Variants in PHACTR3 observed in about 807,000 individuals in gnomAD.
PHACTR3 encodes the protein protein phosphatase 1, regulatory subunit 123.
In PHACTR3, 16 loss-of-function variants were observed where a neutral mutation model predicts 66.8. That is an observed-to-expected ratio of 0.24 (90% CI 0.16 to 0.36). The LOEUF is 0.36. PHACTR3 is among the 10% of genes least tolerant of loss of function. The probability of loss-of-function intolerance (pLI) is 1.00; values close to 1 mark genes in which losing one functional copy is unlikely to be tolerated. For missense variants in PHACTR3, 647 were observed against 719.9 expected (o/e 0.90, Z 1.16); for synonymous variants, 323 against 292.1 (o/e 1.11, Z -1.08).
chr20:59,801,034 G>A (rs2041397582), intron 7 of PHACTR3, among the ~76,000 whole-genome samples: 1 of 152,180 alleles, frequency 6.6e-6, no homozygotes, highest in Admixed American at 6.5e-5. Context: ...TCATTTCAGA[G>A]GATTCTTTCC....
At chr20:59,799,606 T>C (rs1215567500) in intron 7 of PHACTR3, among the ~76,000 whole-genome samples, 4 of 152,170 alleles carry the variant, frequency 2.6e-5, no homozygotes, top group Non-Finnish European at 5.9e-5. Context: ...TCAGCTCTGT[T>C]TGATTAGTGT....
intron 7 of PHACTR3, among the ~76,000 whole-genome samples, chr20:59,782,139 G>A (rs1402878191): frequency 6.6e-6 from 1 of 152,198 alleles, no homozygotes; most frequent in East Asian, 1.9e-4. Flanking sequence ...GCTGGGTCGG[G>A]AGTTGAAAGG....
chr20:59,604,005 C>G (rs929190350), upstream of PHACTR3: 1 of 152,378 alleles, frequency 6.6e-6, no homozygotes, highest in South Asian at 2.1e-4. Flanking sequence ...TTCCTAAGGG[C>G]GTCTGAGGAA....
intron 1 of PHACTR3, chr20:59,628,019 G>GC (rs2034520778): frequency 6.6e-6 from 1 of 151,920 alleles, no homozygotes; most frequent in Non-Finnish European, 1.5e-5. Flanking sequence ...GCTTCCTTCT[G>GC]CCCCCTCCTT....
chr20:59,818,314 T>G (rs1360743989), intron 8 of PHACTR3, among the ~76,000 whole-genome samples: 1 of 152,068 alleles, frequency 6.6e-6, no homozygotes. Flanking sequence ...ACGGGAAGGA[T>G]GCAATGAGCC....
intron 1 of PHACTR3, among the ~76,000 whole-genome samples, chr20:59,735,757 A>G (rs1362782433): frequency 2.0e-5 from 3 of 152,100 alleles, no homozygotes; most frequent in Non-Finnish European, 2.9e-5. Flanking sequence ...GACGGTTCTC[A>G]TTGTCATGGA....
chr20:59,840,322 C>A, intron 9 of PHACTR3, 47 bp from the exon 10 acceptor site: 1 of 1,593,566 alleles, frequency 6.3e-7, no homozygotes, highest in Non-Finnish European at 8.5e-7. Context: ...AACGTTTCAA[C>A]CTGTTTCTCT....
At chr20:59,686,470 GC>G (rs1811994551) in intron 1 of PHACTR3, among the ~76,000 whole-genome samples, 1 of 152,214 alleles carries the variant, frequency 6.6e-6, no homozygotes, top group Non-Finnish European at 1.5e-5. Context: ...AATGTGAGCT[GC>G]CATGATGATG....
At chr20:59,607,736 C>G (rs1205680790) in intron 1 of PHACTR3, among the ~76,000 whole-genome samples, 1 of 152,170 alleles carries the variant, frequency 6.6e-6, no homozygotes, top group East Asian at 1.9e-4. Flanking sequence ...ATGGCTCTTC[C>G]ATGAGTGGTT....
At chr20:59,786,879 C>T (rs1057292302) in intron 7 of PHACTR3, among the ~76,000 whole-genome samples, 2 of 152,150 alleles carry the variant, frequency 1.3e-5, no homozygotes, top group Non-Finnish European at 2.9e-5. Context: ...ACAGAAGTCT[C>T]TTTCTGTGCT....
At chr20:59,584,405 C>T (rs572699354) in intron 1 of PHACTR3, among the ~76,000 whole-genome samples, 16 of 146,686 alleles carry the variant, frequency 1.1e-4, no homozygotes, top group Admixed American at 3.4e-4. Context: ...CAGGAGTGTG[C>T]GTGCCTGTGT....
At chr20:59,715,090 G>A (rs2038047682) in intron 1 of PHACTR3, among the ~76,000 whole-genome samples, 1 of 151,854 alleles carries the variant, frequency 6.6e-6, no homozygotes, top group African/African-American at 2.4e-5. Context: ...TTTCTCTGGA[G>A]AAAAAAAGGA....
intron 1 of PHACTR3, among the ~76,000 whole-genome samples, chr20:59,689,056 A>G (rs2037002611): frequency 6.6e-6 from 1 of 152,190 alleles, no homozygotes; most frequent in Admixed American, 6.5e-5. Context: ...TTCTTTCTCT[A>G]GATACCCACA....
chr20:59,740,371 A>C (rs904860601), intron 1 of PHACTR3, among the ~76,000 whole-genome samples: 7 of 152,052 alleles, frequency 4.6e-5, no homozygotes, highest in African/African-American at 1.2e-4. Context: ...GTACAGGTGC[A>C]AATCATAGCT....
In PHACTR3 at chr20:59,652,619, GA is replaced by G. The variant is rs1293517890; in HGVS notation, c.118+47488del. ...TTAATCTACTCTATAATTTCCATTA[GA>G]TTCTTTTAAATAATTAGATAATTTC... On this transcript the variant is annotated intron_variant, in intron 1 of 12. Coordinates refer to ENST00000371015, the MANE Select transcript of PHACTR3 (RefSeq NM_080672.5). 6.6e-5 allele frequency among the ~76,000 whole-genome samples: 10 copies of G among 152,178 alleles called. No individual in the cohort carries two copies. The East Asian group carries it at 1.4e-3, about 21-fold the overall frequency.
At chr20:59,688,768 G>A (rs1439131190) in intron 1 of PHACTR3, among the ~76,000 whole-genome samples, 2 of 152,022 alleles carry the variant, frequency 1.3e-5, no homozygotes, top group African/African-American at 4.8e-5. Flanking sequence ...CATAAATGCT[G>A]AATAAATAAA....
At chr20:59,594,134 G>A (rs1237195685) in intron 1 of PHACTR3, among the ~76,000 whole-genome samples, 2 of 152,056 alleles carry the variant, frequency 1.3e-5, no homozygotes, top group African/African-American at 2.4e-5. Context: ...CCATTTATTT[G>A]GTTCTTTGAT....
At chr20:59,732,267 G>T (rs73303191) in intron 1 of PHACTR3, among the ~76,000 whole-genome samples, 4,208 of 152,256 alleles carry the variant, frequency 0.028, 198 homozygotes, top group African/African-American at 0.096. Context: ...GAGCAGAGAG[G>T]CTGCGGCAGA....
intron 1 of PHACTR3, among the ~76,000 whole-genome samples, chr20:59,681,779 G>C (rs1393716989): frequency 2.0e-5 from 3 of 152,254 alleles, no homozygotes; most frequent in African/African-American, 7.2e-5. Context: ...GGGAGGCCGA[G>C]GTGGGTGGAT....
Sources: allele counts gnomAD v4.1 joint callset (sites outside exome capture counted in the v4.1 genomes callset), GRCh38; gene constraint gnomAD v4.1.1; transcripts MANE v1.5; gene names NCBI Gene and HGNC (gene_info 2026-07-23, HGNC 2026-07-21).